The following SHB variants were observed in gnomAD, a reference collection of about 807,000 sequenced individuals.
The protein encoded by SHB is SH2 domain-containing adapter protein B.
Under a neutral mutation model 52.3 loss-of-function variants are expected in SHB, and 20 were observed. The ratio of observed to expected loss-of-function variants is 0.38; its 90% CI spans 0.27 to 0.56. The LOEUF is 0.56. SHB is among the 20% of genes least tolerant of loss of function. The pLI is 0.71. For synonymous variants in SHB, 397 were observed against 316.5 expected (o/e 1.25, Z -2.70); for missense variants, 825 against 723.3 (o/e 1.14, Z -1.61).
chr9:38,027,478 G>T (rs1258332035), intron 1 of SHB, among the ~76,000 whole-genome samples: 1 of 152,110 alleles, frequency 6.6e-6, no homozygotes. Flanking sequence ...ATGCCTTTTA[G>T]TCTGGGGAAC....
intron 4 of SHB, among the ~76,000 whole-genome samples, chr9:37,950,592 G>A (rs1001929485): frequency 2.2e-4 from 34 of 152,186 alleles, no homozygotes; most frequent in Admixed American, 9.2e-4. Flanking sequence ...GCAGAGGCAC[G>A]GGGCGGTACT....
At chr9:38,005,427 G>A (rs1821065982) in intron 2 of SHB, among the ~76,000 whole-genome samples, 1 of 152,186 alleles carries the variant, frequency 6.6e-6, no homozygotes, top group African/African-American at 2.4e-5. Context: ...CCAGGAGATG[G>A]GGAAGAGCAC....
At chr9:38,023,664 C>T (rs1014790582) in intron 1 of SHB, among the ~76,000 whole-genome samples, 36 of 151,952 alleles carry the variant, frequency 2.4e-4, no homozygotes, top group African/African-American at 8.2e-4. Flanking sequence ...GCCCTTTTTT[C>T]CCCCCTTTCC....
intron 5 of SHB, among the ~76,000 whole-genome samples, chr9:37,947,041 A>G (rs934166858): frequency 6.6e-6 from 1 of 152,018 alleles, no homozygotes; most frequent in Admixed American, 6.5e-5. Context: ...CCTCAGTCCA[A>G]TTCCGCTCCT....
intron 2 of SHB, among the ~76,000 whole-genome samples, chr9:38,009,464 C>T (rs1261492187): frequency 6.6e-6 from 1 of 152,242 alleles, no homozygotes; most frequent in Non-Finnish European, 1.5e-5. Context: ...GAGGCAGAAT[C>T]TGATTTTAGA....
intron 5 of SHB, among the ~76,000 whole-genome samples, chr9:37,942,539 T>G (rs918054529): frequency 6.6e-6 from 1 of 152,150 alleles, no homozygotes; most frequent in Admixed American, 6.5e-5. Context: ...GCTGCTTCCG[T>G]GGTGATTTCT....
intron 2 of SHB, among the ~76,000 whole-genome samples, chr9:37,989,456 C>T (rs942007337): frequency 4.6e-5 from 7 of 152,084 alleles, no homozygotes; most frequent in African/African-American, 1.7e-4. Flanking sequence ...GGCCCAGGAG[C>T]GATCACCTGC....
At chr9:37,950,842 C>T (rs1832558266) in intron 4 of SHB, among the ~76,000 whole-genome samples, 1 of 152,220 alleles carries the variant, frequency 6.6e-6, no homozygotes, top group Non-Finnish European at 1.5e-5. Flanking sequence ...ATTGCCCTCG[C>T]AGACTGTGTG....
At chr9:37,941,193 A>G (rs1201962242) in intron 5 of SHB, among the ~76,000 whole-genome samples, 2 of 152,184 alleles carry the variant, frequency 1.3e-5, no homozygotes, top group Non-Finnish European at 2.9e-5. Context: ...GAACCCAGAC[A>G]ATTTGCAATG....
At chr9:37,944,628 C>A (rs1832471758) in intron 5 of SHB, among the ~76,000 whole-genome samples, 1 of 152,152 alleles carries the variant, frequency 6.6e-6, no homozygotes, top group Admixed American at 6.5e-5. Context: ...GAAGAAAATG[C>A]CTCGCAGGAC....
At chr9:38,007,830 C>T (rs1186091021) in intron 2 of SHB, among the ~76,000 whole-genome samples, 1 of 151,484 alleles carries the variant, frequency 6.6e-6, no homozygotes, top group Non-Finnish European at 1.5e-5. Flanking sequence ...GGAACAACAT[C>T]AGAGAGGTGG....
intron 2 of SHB, among the ~76,000 whole-genome samples, chr9:37,976,542 C>T (rs756933907): frequency 6.6e-6 from 1 of 152,178 alleles, no homozygotes; most frequent in African/African-American, 2.4e-5. Context: ...TGAATCTGAT[C>T]GGTCTAGGCA....
chr9:37,943,323 T>C (rs969198837), intron 5 of SHB, among the ~76,000 whole-genome samples: 1 of 152,066 alleles, frequency 6.6e-6, no homozygotes, highest in Non-Finnish European at 1.5e-5. Flanking sequence ...ACATTCTCCG[T>C]GAGTTATAGG....
chr9:37,987,943 C>T (rs932566497), intron 2 of SHB, among the ~76,000 whole-genome samples: 9 of 151,998 alleles, frequency 5.9e-5, no homozygotes, highest in Non-Finnish European at 1.3e-4. Context: ...TACCTATATA[C>T]CCTGGGGGCC....
At chr9:37,936,045 A>G (rs1443990523) in intron 5 of SHB, among the ~76,000 whole-genome samples, 1 of 151,582 alleles carries the variant, frequency 6.6e-6, no homozygotes, top group Non-Finnish European at 1.5e-5. Context: ...TCTACTAAAA[A>G]AAAAAAAAAA....
chr9:38,050,130 C>T (rs538410731), intron 1 of SHB, among the ~76,000 whole-genome samples: 2 of 152,340 alleles, frequency 1.3e-5, no homozygotes, highest in East Asian at 1.9e-4. Context: ...TGAAACACAG[C>T]TTGCTATGGT....
chr9:38,059,059 T>G (rs938000315), intron 1 of SHB, among the ~76,000 whole-genome samples: 1 of 152,160 alleles, frequency 6.6e-6, no homozygotes, highest in African/African-American at 2.4e-5. Context: ...CATGGCTCTA[T>G]TCCCAGCACC....
chr9:37,921,034 T>C (rs1243654836), intron 5 of SHB, among the ~76,000 whole-genome samples: 2 of 152,184 alleles, frequency 1.3e-5, no homozygotes, highest in African/African-American at 4.8e-5. Context: ...TCACCAGGGC[T>C]GCAGCCACAC....
chr9:38,044,110 G>C (rs1211931918), intron 1 of SHB, among the ~76,000 whole-genome samples: 1 of 152,168 alleles, frequency 6.6e-6, no homozygotes, highest in Non-Finnish European at 1.5e-5. Context: ...TGGCCAACTG[G>C]CTTCAAGGCA....
Sources: gnomAD v4.1 joint callset for allele counts (sites outside exome capture counted in the v4.1 genomes callset) on GRCh38, gnomAD v4.1.1 for gene constraint, MANE v1.5 for transcripts, NCBI Gene and HGNC (gene_info 2026-07-23, HGNC 2026-07-21) for gene names.